The following NPHP1 variants were observed in gnomAD, a reference collection of about 807,000 sequenced individuals.
NPHP1 encodes nephrocystin 1, also known as nephrocystin-1.
NPHP1 carries 70 observed loss-of-function variants against 90.4 expected under a neutral mutation model. The observed-to-expected ratio is 0.77, with a 90% CI of 0.64 to 0.95. The LOEUF is 0.95. Among genes scored for constraint, NPHP1 ranks in the 40% least tolerant of loss-of-function variants. The probability of loss-of-function intolerance (pLI) is 0.00; values close to 1 mark genes in which losing one functional copy is unlikely to be tolerated. For missense variants in NPHP1, 764 were observed against 795.9 expected (o/e 0.96, Z 0.48); for synonymous variants, 256 against 271.7 (o/e 0.94, Z 0.57).
intron 2 of NPHP1, among the ~76,000 whole-genome samples, chr2:110,191,404 G>A (rs1684723822): frequency 6.6e-6 from 1 of 152,190 alleles, no homozygotes; most frequent in Admixed American, 6.5e-5. Flanking sequence ...CGCCCAGAGA[G>A]CCTCGCTAAT....
chr2:110,178,638 TA>T, intron 3 of NPHP1, 91 bp from the exon 4 acceptor site: 10 of 1,172,544 alleles, frequency 8.5e-6, no homozygotes, highest in Non-Finnish European at 1.2e-5. Context: ...AAGTGCTATA[TA>T]ACAAAGTAAA....
At chr2:110,184,770 A>G in intron 2 of NPHP1, 1 of 711,092 alleles carries the variant, frequency 1.4e-6, no homozygotes, top group Non-Finnish European at 2.6e-6. Flanking sequence ...CAGAAGGAAG[A>G]GACACTAGAG....
At chr2:110,183,244 T>G (rs981249196) in intron 2 of NPHP1, among the ~76,000 whole-genome samples, 1 of 152,064 alleles carries the variant, frequency 6.6e-6, no homozygotes, top group Non-Finnish European at 1.5e-5. Context: ...ATGGTGAAGG[T>G]TGTGGGTTTA....
intron 2 of NPHP1, among the ~76,000 whole-genome samples, chr2:110,188,890 A>G (rs1017658792): frequency 6.6e-6 from 1 of 152,150 alleles, no homozygotes; most frequent in Non-Finnish European, 1.5e-5. Flanking sequence ...AAAACAAGCA[A>G]TGCGGAAAGG....
chr2:110,147,279 G>A (rs1194748975), intron 13 of NPHP1, among the ~76,000 whole-genome samples: 1 of 151,924 alleles, frequency 6.6e-6, no homozygotes, highest in Non-Finnish European at 1.5e-5. Flanking sequence ...CCTTTGGGGG[G>A]CCTGCTCCTT....
intron 1 of NPHP1, 148 bp downstream of exon 1, chr2:110,204,751 AT>A (rs749428729): frequency 1.3e-6 from 1 of 763,398 alleles, no homozygotes. Context: ...CTGGAATGTT[AT>A]GGGGTAAGGG....
Position 110,125,691 on chromosome 2 carries a change from A to C in NPHP1, c.1717-10T>G, listed in dbSNP as rs1679305110. On this transcript the variant is annotated splice_polypyrimidine_tract_variant and intron_variant, in intron 18 of 19. Coordinates refer to ENST00000445609, the MANE Select transcript of NPHP1 (RefSeq NM_001128178.3). Reference sequence around the variant, plus strand: ...TTCCAGCCCACGAACTCTAAAGAGCAAACAGAAATATTATGTTAGTCCAAG... The same window carrying C: ...TTCCAGCCCACGAACTCTAAAGAGCCAACAGAAATATTATGTTAGTCCAAG... 1 of 1,611,664 alleles carries C rather than the reference A, an allele frequency of 6.2e-7. No individual in the cohort carries two copies.
intron 18 of NPHP1, chr2:110,127,089 T>C (rs890366697): frequency 6.6e-6 from 1 of 152,190 alleles, no homozygotes; most frequent in African/African-American, 2.4e-5. Context: ...TTTTGGCCAA[T>C]GCAATGTGAG....
At chr2:110,201,262 C>T (rs764840540) in intron 2 of NPHP1, among the ~76,000 whole-genome samples, 159 bp downstream of exon 2, 3 of 152,086 alleles carry the variant, frequency 2.0e-5, no homozygotes, top group Admixed American at 1.3e-4. Context: ...ACAGCAAGTC[C>T]GCAACCATCA....
At chr2:110,143,732 C>G in intron 15 of NPHP1, 91 bp from the exon 16 acceptor site, 1 of 874,560 alleles carries the variant, frequency 1.1e-6, no homozygotes, top group Non-Finnish European at 1.9e-6. Context: ...AATATACCAC[C>G]CAGTAGTGCT....
intron 3 of NPHP1, 165 bp from the exon 4 acceptor site, chr2:110,178,712 G>C: frequency 1.6e-6 from 1 of 613,392 alleles, no homozygotes; most frequent in Non-Finnish European, 2.8e-6. Context: ...ACAGGCAATT[G>C]TGTTGGAATG....
Position 110,129,211 on chromosome 2 carries a change from T to C in NPHP1, c.1691A>G (p.Gln564Arg). 1 of 1,613,636 alleles carries C rather than the reference T, an allele frequency of 6.2e-7. No individual in the cohort carries two copies. The highest frequency in any genetic ancestry group is 8.5e-7 in the Non-Finnish European group (1 of 1,179,648). ...CCTGAGAGCATCCATCACATCAGGC[T>C]GCTCCAAGAGCATGGGGAAGGTGGC... The part of the protein sequence containing the change: ...MLATFPMLLE[Q>R]PDVMDALRSS... The change falls in exon 18 of 20, where the codon CAG becomes CGG. Residue 564 changes from glutamine to arginine, a missense_variant. Physicochemically the swap from Gln to Arg is conservative, Grantham distance 43. Coordinates refer to ENST00000445609, the MANE Select transcript of NPHP1 (RefSeq NM_001128178.3).
At chr2:110,158,815 C>G (rs1004314045) in intron 11 of NPHP1, among the ~76,000 whole-genome samples, 26 of 152,002 alleles carry the variant, frequency 1.7e-4, no homozygotes, top group African/African-American at 6.3e-4. Context: ...ACTGAGTTAT[C>G]TTTTTATTTC....
chr2:110,171,170 G>C (rs1683104808), intron 4 of NPHP1, among the ~76,000 whole-genome samples: 1 of 152,112 alleles, frequency 6.6e-6, no homozygotes, highest in Non-Finnish European at 1.5e-5. Flanking sequence ...GGGTGAGGAA[G>C]AGAGAAATGC....
intron 11 of NPHP1, among the ~76,000 whole-genome samples, chr2:110,155,458 C>G (rs921228619): frequency 6.6e-6 from 1 of 152,180 alleles, no homozygotes; most frequent in Non-Finnish European, 1.5e-5. Context: ...GCTCCACCAA[C>G]AGCTTGCACC....
In NPHP1 at chr2:110,165,147, A is replaced by G; in HGVS notation, c.633T>C (p.Ser211=). The change falls in exon 7 of 20, where the codon AGT becomes AGC. Residue 211 remains serine (S), a synonymous_variant. Coordinates refer to ENST00000445609, the MANE Select transcript of NPHP1 (RefSeq NM_001128178.3). ...LVPRTYLEPY[S]EEEEGQESSE... is the part of the protein sequence containing the mutation. ...TTGACTCTTGGCCTTCTTCTTCTTC[A>G]CTATAAGGCTAAAAAACCATTGAAA... The G allele has an allele frequency of 3.1e-6, 5 of 1,611,790 alleles. No individual in the cohort carries two copies. The highest frequency in any genetic ancestry group is 4.2e-6 in the Non-Finnish European group (5 of 1,178,058).
chr2:110,137,281 A>C (rs1680270848), intron 16 of NPHP1, among the ~76,000 whole-genome samples: 1 of 152,138 alleles, frequency 6.6e-6, no homozygotes, highest in South Asian at 2.1e-4. Flanking sequence ...CTTCATGTCT[A>C]AAACACCAAA....
chr2:110,192,881 C>G (rs1273841972), intron 2 of NPHP1, among the ~76,000 whole-genome samples: 1 of 152,042 alleles, frequency 6.6e-6, no homozygotes, highest in Non-Finnish European at 1.5e-5. Context: ...AATTTTCAAC[C>G]CCGAATTTCA....
Position 110,123,636 on chromosome 2 carries a change from G to T in NPHP1, c.*155C>A. 2 of 682,954 alleles carry T rather than the reference G, an allele frequency of 2.9e-6. No homozygotes were observed. The highest frequency in any genetic ancestry group is 5.0e-6 in the Non-Finnish European group (2 of 403,860). 42.3% of individuals were successfully genotyped at this position (682,954 alleles called of 1,614,324 possible). A position where few individuals can be genotyped will look rare whatever the true frequency, so the allele number is the denominator to read the frequency against. ...GGTTTTAAAAAATATTTAAATTATT[G>T]TATAAACATTTCTTTAAAAATATGG... On this transcript the variant is annotated 3_prime_UTR_variant, in exon 20 of 20. Transcript: ENST00000445609.
Sources: gnomAD v4.1 joint callset for allele counts (sites outside exome capture counted in the v4.1 genomes callset) on GRCh38, gnomAD v4.1.1 for gene constraint, MANE v1.5 for transcripts, NCBI Gene and HGNC (gene_info 2026-07-23, HGNC 2026-07-21) for gene names.